The following HSPBAP1 variants were observed in gnomAD, a reference collection of about 807,000 sequenced individuals.
The protein encoded by HSPBAP1 is HSPB1 associated protein 1, also known as HSPB1-associated protein 1.
HSPBAP1 carries 27 observed loss-of-function variants against 45.2 expected under a neutral mutation model. The observed-to-expected ratio is 0.60, with a 90% CI of 0.44 to 0.82. The LOEUF (loss-of-function observed/expected upper bound fraction) is 0.82, where lower values mean the gene tolerates loss of function less well. Ranked by LOEUF, HSPBAP1 falls within the 40% of genes least tolerant of loss-of-function variation. The pLI, the probability that HSPBAP1 is intolerant of heterozygous loss-of-function variation, is 0.00. For synonymous variants in HSPBAP1, 204 were observed against 202.7 expected, an observed-to-expected ratio of 1.01 and a Z score of -0.06; for missense variants, 510 against 590.9, an observed-to-expected ratio of 0.86 and a Z score of 1.42.
chr3:122,767,896 T>C (rs975091898), intron 3 of HSPBAP1, among the ~76,000 whole-genome samples: 2 of 151,888 alleles, frequency 1.3e-5, no homozygotes, highest in African/African-American at 4.8e-5. Flanking sequence ...GAAATACTTC[T>C]CTCCACAAAG....
intron 6 of HSPBAP1, among the ~76,000 whole-genome samples, chr3:122,747,758 G>C (rs1374019737): frequency 7.0e-6 from 1 of 142,592 alleles, no homozygotes; most frequent in Non-Finnish European, 1.5e-5. Context: ...GGAGGGAGGT[G>C]GGGGGGTCAG....
At chr3:122,752,844 T>C (rs1934207342) in intron 5 of HSPBAP1, 170 bp from the exon 6 acceptor site, 3 of 1,375,918 alleles carry the variant, frequency 2.2e-6, no homozygotes, top group Non-Finnish European at 2.8e-6. Context: ...CTTTTTTCCT[T>C]TTATTCCTTT....
At chr3:122,782,426 C>T (rs1344264215) in intron 1 of HSPBAP1, among the ~76,000 whole-genome samples, 1 of 151,994 alleles carries the variant, frequency 6.6e-6, no homozygotes, top group Non-Finnish European at 1.5e-5. Context: ...AAATATTAAC[C>T]TTGGATAGGA....
In HSPBAP1 at chr3:122,740,663, C is replaced by T. The variant is rs1560100386; in HGVS notation, c.1149G>A (p.Glu383=). 1 of 1,614,030 alleles carries T rather than the reference C, an allele frequency of 6.2e-7. No homozygotes were observed. Among genetic ancestry groups the T allele is most frequent in the Admixed American group, 1.7e-5 (1 of 60,026 alleles). Residue 383 remains glutamate, a synonymous_variant, in exon 8 of 8, where the codon GAG becomes GAA. Transcript: ENST00000306103. ...QNLTTGTDKP[E]AASPFGPDLV... ...GATCAGGGCCAAAGGGACTTGCTGC[C>T]TCCGGTTTGTCTGTTCCTGTGGTCA...
At chr3:122,771,976 A>G (rs1303711210) in intron 2 of HSPBAP1, among the ~76,000 whole-genome samples, 1 of 106,664 alleles carries the variant, frequency 9.4e-6, no homozygotes, top group African/African-American at 4.1e-5. Context: ...ACCTAGGCTA[A>G]TAAGTAGGTG....
chr3:122,749,121 TATATAA>T (rs1382305914), intron 6 of HSPBAP1, among the ~76,000 whole-genome samples: 1 of 151,512 alleles, frequency 6.6e-6, no homozygotes, highest in African/African-American at 2.4e-5. Context: ...CTTATTTACA[TATATAA>T]ATATATCTAT....
intron 6 of HSPBAP1, among the ~76,000 whole-genome samples, chr3:122,746,510 C>A (rs1251370564): frequency 6.6e-6 from 1 of 151,758 alleles, no homozygotes; most frequent in East Asian, 1.9e-4. Context: ...ATTAAACAGA[C>A]ATTTCAAATC....
At chr3:122,747,525 CGGAG>C (rs1933932097) in intron 6 of HSPBAP1, among the ~76,000 whole-genome samples, 1 of 141,756 alleles carries the variant, frequency 7.1e-6, no homozygotes, top group Non-Finnish European at 1.6e-5. Context: ...CGCCCCGTCT[CGGAG>C]GGAGGTGGGG....
chr3:122,755,275 T>A lies in HSPBAP1; in HGVS notation c.726A>T (p.Thr242=), dbSNP rs774093550. 1 of 1,586,268 alleles carries A rather than the reference T, an allele frequency of 6.3e-7. No homozygotes were observed. Among genetic ancestry groups the A allele is most frequent in the Admixed American group, 1.9e-5 (1 of 52,938 alleles). ...GCCCTATTACCTGTCCTGGGCTCAG[T>A]GTAACCGCATGTCTTTGAGCTTTCC... ...QFRKAQRHAV[T]LSPGQVLFVP... The change falls in exon 5 of 8, where the codon ACA becomes ACT. Residue 242 remains threonine, a synonymous_variant. Transcript: ENST00000306103.
intron 3 of HSPBAP1, among the ~76,000 whole-genome samples, chr3:122,759,968 T>C (rs7618995): frequency 0.096 from 14,636 of 152,278 alleles, 958 homozygotes; most frequent in African/African-American, 0.18. Context: ...TCATACCTAC[T>C]AGATCAGTCT....
chr3:122,793,320 A>G (rs1354849741), intron 1 of HSPBAP1, among the ~76,000 whole-genome samples: 1 of 152,186 alleles, frequency 6.6e-6, no homozygotes, highest in Admixed American at 6.5e-5. Flanking sequence ...AATCCCCTCT[A>G]AACGTTCAAA....
At chr3:122,765,565 A>G (rs1315964011) in intron 3 of HSPBAP1, among the ~76,000 whole-genome samples, 1 of 148,838 alleles carries the variant, frequency 6.7e-6, no homozygotes, top group Non-Finnish European at 1.5e-5. Flanking sequence ...TGGGTGACAG[A>G]GTCAGACTCT....
chr3:122,767,314 G>A (rs1005481564), intron 3 of HSPBAP1, among the ~76,000 whole-genome samples: 19 of 152,192 alleles, frequency 1.2e-4, no homozygotes, highest in Admixed American at 9.8e-4. Flanking sequence ...CGAGGCTGGT[G>A]GATCACTTAA....
intron 5 of HSPBAP1, chr3:122,753,597 A>G: frequency 1.0e-6 from 1 of 984,442 alleles, no homozygotes; most frequent in Non-Finnish European, 1.2e-6. Flanking sequence ...CAGACTCAGT[A>G]TGAGATTTCC....
intron 5 of HSPBAP1, chr3:122,754,409 C>G: frequency 2.8e-6 from 1 of 351,136 alleles, no homozygotes; most frequent in Non-Finnish European, 4.0e-6. Flanking sequence ...TAATATTGCA[C>G]TGTGTGAAAT....
chr3:122,742,381 G>T (rs952776716), intron 6 of HSPBAP1, among the ~76,000 whole-genome samples: 2 of 152,000 alleles, frequency 1.3e-5, no homozygotes, highest in Non-Finnish European at 2.9e-5. Flanking sequence ...CTTCACACCA[G>T]GATAGTGCTA....
At chr3:122,781,227 G>A (rs1175049717) in intron 1 of HSPBAP1, among the ~76,000 whole-genome samples, 17 of 151,704 alleles carry the variant, frequency 1.1e-4, no homozygotes, top group African/African-American at 4.8e-5. Flanking sequence ...AGGTTGTAGC[G>A]AGCCGAGATC....
At chr3:122,742,379 C>G (rs1288293878) in intron 6 of HSPBAP1, among the ~76,000 whole-genome samples, 1 of 151,790 alleles carries the variant, frequency 6.6e-6, no homozygotes, top group Admixed American at 6.6e-5. Context: ...GACTTCACAC[C>G]AGGATAGTGC....
chr3:122,750,473 A>T (rs752119107), intron 6 of HSPBAP1, among the ~76,000 whole-genome samples: 4 of 152,122 alleles, frequency 2.6e-5, no homozygotes, highest in Non-Finnish European at 5.9e-5. Context: ...ACCTGTCTAG[A>T]TATATTTTTT....
Sources: allele counts gnomAD v4.1 joint callset (sites outside exome capture counted in the v4.1 genomes callset), GRCh38; gene constraint gnomAD v4.1.1; transcripts MANE v1.5; gene names NCBI Gene and HGNC (gene_info 2026-07-23, HGNC 2026-07-21).